Variants in TCF12 observed in about 807,000 individuals in gnomAD.
TCF12 encodes DNA-binding protein HTF4.
A neutral mutation model predicts 86.0 loss-of-function variants in TCF12; 45 were observed. That is an observed-to-expected ratio of 0.52 (90% CI 0.41 to 0.67). The LOEUF is 0.67. Ranked by LOEUF, TCF12 falls within the 30% of genes least tolerant of loss-of-function variation. The pLI is 0.00. For synonymous variants in TCF12, 330 were observed against 299.6 expected (o/e 1.10, Z -1.05); for missense variants, 881 against 859.9 (o/e 1.02, Z -0.31).
chr15:57,153,767 C>A (rs920400684), intron 5 of TCF12, among the ~76,000 whole-genome samples: 1 of 151,996 alleles, frequency 6.6e-6, no homozygotes, highest in Non-Finnish European at 1.5e-5. Context: ...GTGGCTCATA[C>A]CTGTAATCCC....
chr15:56,947,335 G>A (rs2061050403), intron 3 of TCF12, among the ~76,000 whole-genome samples: 1 of 151,992 alleles, frequency 6.6e-6, no homozygotes. Context: ...AATATAGCGG[G>A]ACTCCAAGGT....
At chr15:57,011,172 A>G (rs2064808110) in intron 3 of TCF12, among the ~76,000 whole-genome samples, 1 of 152,160 alleles carries the variant, frequency 6.6e-6, no homozygotes, top group African/African-American at 2.4e-5. Flanking sequence ...GTGCCCTCCA[A>G]ACCTCTATTT....
At chr15:57,113,527 C>A (rs2050636115) in intron 5 of TCF12, among the ~76,000 whole-genome samples, 1 of 152,088 alleles carries the variant, frequency 6.6e-6, no homozygotes, top group Admixed American at 6.5e-5. Flanking sequence ...CCTTACCTTT[C>A]TTTTGCTTCT....
intron 16 of TCF12, among the ~76,000 whole-genome samples, chr15:57,256,891 G>A (rs1032666799): frequency 2.6e-5 from 4 of 152,114 alleles, no homozygotes; most frequent in African/African-American, 9.7e-5. Flanking sequence ...TTATCCTAAT[G>A]GGCAGCATCC....
At chr15:57,248,950 G>A (rs1187558256) in intron 13 of TCF12, among the ~76,000 whole-genome samples, 14 of 152,166 alleles carry the variant, frequency 9.2e-5, no homozygotes, top group African/African-American at 2.7e-4. Flanking sequence ...GCATTTGAAC[G>A]TAAAACGTGT....
At chr15:57,015,382 T>G (rs1194685242) in intron 3 of TCF12, among the ~76,000 whole-genome samples, 1 of 152,244 alleles carries the variant, frequency 6.6e-6, no homozygotes, top group Non-Finnish European at 1.5e-5. Context: ...ATGTTTTGGT[T>G]TTCATTCCCC....
At chr15:57,190,851 A>G (rs1254612712) in intron 6 of TCF12, among the ~76,000 whole-genome samples, 1 of 152,198 alleles carries the variant, frequency 6.6e-6, no homozygotes, top group Non-Finnish European at 1.5e-5. Context: ...AAAGGCTAGC[A>G]TATACATTGG....
At chr15:57,103,265 A>G (rs752667869) in intron 5 of TCF12, among the ~76,000 whole-genome samples, 27 of 152,192 alleles carry the variant, frequency 1.8e-4, no homozygotes, top group Non-Finnish European at 3.7e-4. Flanking sequence ...GTGGATTTTG[A>G]TGCAGTTTAT....
At chr15:57,133,920 CTGTT>C (rs1327007731) in intron 5 of TCF12, among the ~76,000 whole-genome samples, 4 of 151,926 alleles carry the variant, frequency 2.6e-5, no homozygotes, top group Admixed American at 1.3e-4. Context: ...TTCTTTTTTG[CTGTT>C]TGTTGTTTTG....
chr15:57,038,673 G>A (rs932686691), intron 3 of TCF12, among the ~76,000 whole-genome samples: 4 of 151,974 alleles, frequency 2.6e-5, no homozygotes, highest in Non-Finnish European at 5.9e-5. Flanking sequence ...AAAAAAAGAA[G>A]CGACAAGCCA....
At chr15:57,269,282 C>G (rs2061011670) in intron 18 of TCF12, among the ~76,000 whole-genome samples, 1 of 150,506 alleles carries the variant, frequency 6.6e-6, no homozygotes, top group South Asian at 2.1e-4. Context: ...TATGTAATGG[C>G]CTTCTTTGTC....
chr15:57,126,437 T>C (rs1157281484), intron 5 of TCF12, among the ~76,000 whole-genome samples: 1 of 152,164 alleles, frequency 6.6e-6, no homozygotes, highest in East Asian at 1.9e-4. Flanking sequence ...TTTCATAATC[T>C]CTACTCTCCA....
chr15:57,220,116 G>C (rs2058520904), intron 8 of TCF12, among the ~76,000 whole-genome samples: 1 of 152,156 alleles, frequency 6.6e-6, no homozygotes, highest in African/African-American at 2.4e-5. Context: ...TTATTTTTAA[G>C]ATAGTGTAGA....
chr15:56,979,549 G>A (rs1358707673), intron 3 of TCF12, among the ~76,000 whole-genome samples: 1 of 152,150 alleles, frequency 6.6e-6, no homozygotes, highest in Non-Finnish European at 1.5e-5. Context: ...ATGTTTGAAA[G>A]TGTTTTTAGG....
intron 6 of TCF12, among the ~76,000 whole-genome samples, chr15:57,185,965 C>T (rs578221698): frequency 6.6e-6 from 1 of 152,146 alleles, no homozygotes; most frequent in East Asian, 1.9e-4. Flanking sequence ...AGAACAGTGT[C>T]AAATTACTAA....
In TCF12 at chr15:57,127,453, A is replaced by G. The variant is rs533044990; in HGVS notation, c.325+35562A>G. 3.3e-5 allele frequency among the ~76,000 whole-genome samples: 5 copies of G among 152,298 alleles called. No individual in the cohort carries two copies. In the South Asian group the frequency reaches 1.0e-3, roughly 32 times the overall value. ...TTCACACAAGTAAAGGCAACCTATA[A>G]TAGAGTAGCGTTTATCATATAAATA... On this transcript the variant is annotated intron_variant, in intron 5 of 20. Coordinates refer to ENST00000333725, the MANE Select transcript of TCF12 (RefSeq NM_207037.2).
At chr15:57,150,703 T>C (rs1459180802) in intron 5 of TCF12, among the ~76,000 whole-genome samples, 4 of 152,058 alleles carry the variant, frequency 2.6e-5, no homozygotes, top group African/African-American at 9.7e-5. Flanking sequence ...ATTAGAGAGA[T>C]GATGTAATCA....
chr15:57,243,530 G>C lies in TCF12; in HGVS notation c.1094G>C (p.Gly365Ala). ...SFPSNPSTPV[G>A]SPSPLTGTSQ... is the part of the protein sequence containing the mutation. ...CCGTCAAATCCATCAACACCAGTTG[G>C]ATCACCTTCACCTCTCACAGGTAGG... is the stretch of plus-strand genomic sequence containing the variant. The change falls in exon 13 of 21, where the codon GGA becomes GCA. Residue 365 changes from glycine to alanine, a missense_variant. This residue lies in a region of TCF12 where 766 missense variants were observed against 718.9 expected (regional missense o/e 1.07). Transcript: ENST00000333725. 6.2e-7 allele frequency: 1 copy of C among 1,613,888 alleles called. No homozygotes were observed. The highest frequency in any genetic ancestry group is 1.1e-5 in the South Asian group (1 of 91,048).
chr15:57,154,045 A>G (rs2053950928), intron 5 of TCF12, among the ~76,000 whole-genome samples: 1 of 152,104 alleles, frequency 6.6e-6, no homozygotes, highest in African/African-American at 2.4e-5. Context: ...AGATAAAAGA[A>G]CAAACAACAA....
Sources: gnomAD v4.1 joint callset for allele counts (sites outside exome capture counted in the v4.1 genomes callset) on GRCh38, gnomAD v4.1.1 for gene constraint, gnomAD v4.1.1 regional missense constraint, MANE v1.5 for transcripts, NCBI Gene and HGNC (gene_info 2026-07-23, HGNC 2026-07-21) for gene names.